The following PDE6A variants were observed in gnomAD, a reference collection of about 807,000 sequenced individuals.
The protein encoded by PDE6A is rod cGMP-specific 3',5'-cyclic phosphodiesterase subunit alpha.
PDE6A carries 84 observed loss-of-function variants against 106.3 expected under a neutral mutation model. The ratio of observed to expected loss-of-function variants is 0.79; its 90% CI spans 0.66 to 0.95. The LOEUF (loss-of-function observed/expected upper bound fraction) is 0.95, where lower values mean the gene tolerates loss of function less well. PDE6A is among the 40% of genes least tolerant of loss of function. The pLI, the probability that PDE6A is intolerant of heterozygous loss-of-function variation, is 0.00. For missense variants in PDE6A, 1,052 were observed against 1,084.9 expected (o/e 0.97, Z 0.43); for synonymous variants, 394 against 386.6 (o/e 1.02, Z -0.23).
chr5:149,911,726 C>T (rs191602963), intron 6 of PDE6A, among the ~76,000 whole-genome samples: 2 of 150,740 alleles, frequency 1.3e-5, no homozygotes, highest in East Asian at 3.9e-4. Context: ...TTGGCCATTG[C>T]ATCAGCTTAT....
At chr5:149,924,563 A>G (rs1349419801) in intron 4 of PDE6A, among the ~76,000 whole-genome samples, 1 of 152,152 alleles carries the variant, frequency 6.6e-6, no homozygotes, top group African/African-American at 2.4e-5. Flanking sequence ...TGAATGAGAT[A>G]AATCCATATG....
chr5:149,919,865 C>T (rs974251605), intron 5 of PDE6A, among the ~76,000 whole-genome samples: 1 of 152,148 alleles, frequency 6.6e-6, no homozygotes, highest in Non-Finnish European at 1.5e-5. Flanking sequence ...CATACACACA[C>T]TATTTTATTT....
At chr5:149,930,122 T>C (rs1479965290) in intron 4 of PDE6A, among the ~76,000 whole-genome samples, 1 of 152,208 alleles carries the variant, frequency 6.6e-6, no homozygotes, top group East Asian at 1.9e-4. Flanking sequence ...GAAAGATGTT[T>C]GTAAAACATT....
intron 13 of PDE6A, among the ~76,000 whole-genome samples, chr5:149,891,075 T>A (rs1450111227): frequency 6.6e-6 from 1 of 152,232 alleles, no homozygotes; most frequent in Non-Finnish European, 1.5e-5. Context: ...TCTTGAGTCC[T>A]TAAAGCTTCC....
rs1167400125 is a variant in PDE6A at position 149,903,226 on chromosome 5, T to C, written c.1113+422A>G. Among the ~76,000 whole-genome samples, 3 of 150,696 alleles carry C rather than the reference T, an allele frequency of 2.0e-5. No individual in the cohort carries two copies. In the East Asian group the frequency reaches 5.8e-4, roughly 29 times the overall value. Reference sequence around the variant, plus strand: ...GGCAAAGTGGCATTTTGATTATATTTATTGAAATACAACTTTAATGTCTGA... The same window carrying C: ...GGCAAAGTGGCATTTTGATTATATTCATTGAAATACAACTTTAATGTCTGA... On this transcript the variant is annotated intron_variant, in intron 8 of 21. Transcript: ENST00000255266.
At chr5:149,919,362 C>G (rs1446914034) in intron 5 of PDE6A, among the ~76,000 whole-genome samples, 1 of 152,096 alleles carries the variant, frequency 6.6e-6, no homozygotes, top group African/African-American at 2.4e-5. Context: ...TAAAAATTAG[C>G]CAGACATAAT....
intron 6 of PDE6A, among the ~76,000 whole-genome samples, chr5:149,910,943 G>A (rs796535199): frequency 2.3e-5 from 3 of 132,974 alleles, no homozygotes; most frequent in African/African-American, 5.7e-5. Flanking sequence ...GCAGTGGTGC[G>A]ATCATGGCTC....
chr5:149,936,035 T>A (rs1049102076), intron 1 of PDE6A, among the ~76,000 whole-genome samples: 5 of 152,134 alleles, frequency 3.3e-5, no homozygotes, highest in African/African-American at 1.2e-4. Flanking sequence ...GTGCCTGTAG[T>A]TCCAGCTACT....
chr5:149,866,385 A>T, intron 19 of PDE6A, 132 bp from the exon 20 acceptor site: 1 of 689,992 alleles, frequency 1.4e-6, no homozygotes, highest in Non-Finnish European at 2.6e-6. Flanking sequence ...TGCAGGAAAT[A>T]GGAGAATAGA....
Position 149,944,189 on chromosome 5 carries a change from G to A in PDE6A, c.474+11C>T, listed in dbSNP as rs570825152. The A allele has an allele frequency of 1.7e-5, 28 of 1,600,004 alleles. No individual in the cohort carries two copies. Among genetic ancestry groups the A allele is most frequent in the Middle Eastern group, 1.7e-4 (1 of 6,038 alleles). ...TGCCCCATGCCCTCTCTCTCATGGG[G>A]AAGAGAGTACCTCCTCTGTGTTGGG... On this transcript the variant is annotated intron_variant, in intron 1 of 21. Transcript: ENST00000255266.
chr5:149,913,217 A>G (rs1170942759), intron 6 of PDE6A, among the ~76,000 whole-genome samples: 2 of 152,016 alleles, frequency 1.3e-5, no homozygotes, highest in Non-Finnish European at 2.9e-5. Flanking sequence ...CCCCATCTCT[A>G]CTAAAAATAC....
rs558264098 is a variant in PDE6A at position 149,919,587 on chromosome 5, G to A, written c.933+2048C>T. On this transcript the variant is annotated intron_variant, in intron 5 of 21. Coordinates refer to ENST00000255266, the MANE Select transcript of PDE6A (RefSeq NM_000440.3). ...TTTTCTTTCCCAGAATTAACAAAAA[G>A]ATCAGTGTGCTTTGGGTAACTAGGC... 8.5e-5 allele frequency among the ~76,000 whole-genome samples: 13 copies of A among 152,298 alleles called. No individual in the cohort carries two copies. The South Asian group carries it at 2.1e-3, about 24-fold the overall frequency.
intron 4 of PDE6A, among the ~76,000 whole-genome samples, chr5:149,928,229 A>ATTTTTTTTTTT (rs1450276110): frequency 2.7e-4 from 7 of 25,470 alleles, no homozygotes; most frequent in South Asian, 8.1e-4. Flanking sequence ...ATATATATAT[A>ATTTTTTTTTTT]TATTTTTTTT....
chr5:149,909,240 A>G (rs1753296665), intron 6 of PDE6A, among the ~76,000 whole-genome samples: 1 of 152,100 alleles, frequency 6.6e-6, no homozygotes, highest in African/African-American at 2.4e-5. Context: ...GGCTCACTGC[A>G]GCCTCAACCT....
At chr5:149,872,529 C>T (rs111681280) in intron 17 of PDE6A, among the ~76,000 whole-genome samples, 5,811 of 152,212 alleles carry the variant, frequency 0.038, 125 homozygotes, top group Admixed American at 0.056. Context: ...CTTCCTGAAA[C>T]ATTTGGCTCC....
At chr5:149,919,879 A>G (rs1489866195) in intron 5 of PDE6A, among the ~76,000 whole-genome samples, 1 of 152,224 alleles carries the variant, frequency 6.6e-6, no homozygotes, top group African/African-American at 2.4e-5. Context: ...TTTATTTTTA[A>G]AAGTAGATGA....
At position 149,907,266 on chromosome 5, in the gene PDE6A, T is replaced by C. The variant is rs1471208358; in HGVS notation, c.1065+46A>G. On this transcript the variant is annotated intron_variant, in intron 7 of 21. Transcript: ENST00000255266. ...TGATCTGAAATCCTTCCACTCTTTC[T>C]TCCACGTGATCCAAAACTCTCCCCC... 5 of 1,380,056 alleles carry C rather than the reference T, an allele frequency of 3.6e-6. No individual in the cohort carries two copies. The South Asian group carries it at 5.8e-5, about 16-fold the overall frequency. The allele number at this position is 1,380,056 out of a possible 1,614,324, so 85.5% of individuals were successfully genotyped here. A position where few individuals can be genotyped will look rare whatever the true frequency, so the allele number is the denominator to read the frequency against.
chr5:149,944,253 C>T lies in PDE6A; in HGVS notation c.421G>A (p.Val141Met), dbSNP rs757733655. Residue 141 changes from valine to methionine, a missense_variant, in exon 1 of 22, where the codon GTG becomes ATG. By Grantham distance (21) the Val-to-Met change is conservative. Coordinates refer to ENST00000255266, the MANE Select transcript of PDE6A (RefSeq NM_000440.3). ...TTCTTAGAGTGTGCGACATGGCCCA[C>T]GATGCCCATGTCCAAAGGGAAGACG... is the stretch of plus-strand genomic sequence containing the variant. ...EIVFPLDMGI[V>M]GHVAHSKKIA... is the part of the protein sequence containing the mutation. The T allele has an allele frequency of 1.6e-5, 26 of 1,613,784 alleles. No homozygotes were observed. The highest frequency in any genetic ancestry group is 8.9e-5 in the East Asian group (4 of 44,840).
At chr5:149,862,209 G>A (rs974284200) in intron 21 of PDE6A, among the ~76,000 whole-genome samples, 5 of 152,198 alleles carry the variant, frequency 3.3e-5, no homozygotes, top group African/African-American at 1.2e-4. Flanking sequence ...ATGACTTGGG[G>A]GAGGGGCAGT....
Sources: gnomAD v4.1 joint callset for allele counts (sites outside exome capture counted in the v4.1 genomes callset) on GRCh38, gnomAD v4.1.1 for gene constraint, MANE v1.5 for transcripts, NCBI Gene and HGNC (gene_info 2026-07-23, HGNC 2026-07-21) for gene names.